Variants in GALNT3 observed in about 807,000 individuals in gnomAD.
GALNT3 encodes GalNAc transferase 3.
A neutral mutation model predicts 69.8 loss-of-function variants in GALNT3; 51 were observed. That is an observed-to-expected ratio of 0.73 (90% CI 0.58 to 0.92). The LOEUF is 0.92. GALNT3 is among the 40% of genes least tolerant of loss of function. GALNT3 has a pLI of 0.00. For synonymous variants in GALNT3, 265 were observed against 248.5 expected (o/e 1.07, Z -0.63); for missense variants, 711 against 760.0 (o/e 0.94, Z 0.76).
intron 1 of GALNT3, among the ~76,000 whole-genome samples, chr2:165,788,259 G>A (rs2105232345): frequency 6.8e-6 from 1 of 146,644 alleles, no homozygotes; most frequent in Middle Eastern, 3.5e-3. Context: ...AGAGCTTGCA[G>A]TGAGCCAAGA....
chr2:165,767,796 T>C (rs891179078), intron 2 of GALNT3, among the ~76,000 whole-genome samples: 5 of 151,782 alleles, frequency 3.3e-5, no homozygotes, highest in African/African-American at 1.2e-4. Context: ...CTAATGAGCA[T>C]GGAAAACATT....
At chr2:165,758,980 C>A in intron 5 of GALNT3, 116 bp from the exon 6 acceptor site, 1 of 776,230 alleles carries the variant, frequency 1.3e-6, no homozygotes, top group South Asian at 1.5e-5. Context: ...AGCTTTTATT[C>A]AGATTAATAA....
intron 8 of GALNT3, 79 bp downstream of exon 8, chr2:165,754,853 T>C: frequency 6.7e-7 from 1 of 1,497,170 alleles, no homozygotes; most frequent in African/African-American, 1.4e-5. Context: ...AAGAAAGTAT[T>C]TCAGCAATTT....
At chr2:165,759,758 C>T (rs1002540204) in intron 4 of GALNT3, among the ~76,000 whole-genome samples, 188 bp from the exon 5 acceptor site, 6 of 152,124 alleles carry the variant, frequency 3.9e-5, no homozygotes, top group African/African-American at 1.4e-4. Flanking sequence ...TATACATTTG[C>T]AGTGTATATC....
At position 165,770,786 on chromosome 2, in the gene GALNT3, G is replaced by A. The variant is rs1688739296; in HGVS notation, c.-86C>T. 1 of 1,471,296 alleles carries A rather than the reference G, an allele frequency of 6.8e-7. No homozygotes were observed. The highest frequency in any genetic ancestry group is 2.3e-5 in the East Asian group (1 of 43,888). The allele number at this position is 1,471,296 out of a possible 1,614,324, so 91.1% of individuals were successfully genotyped here. On this transcript the variant is annotated 5_prime_UTR_variant, in exon 2 of 11. Coordinates refer to ENST00000392701, the MANE Select transcript of GALNT3 (RefSeq NM_004482.4). ...TTTTTTATCATAGATTTGCTGAGAA[G>A]AAGGTATCTTTAATGGTAGTACCTA... is the stretch of plus-strand genomic sequence containing the variant.
intron 1 of GALNT3, among the ~76,000 whole-genome samples, chr2:165,793,076 A>G (rs1683386214): frequency 6.6e-6 from 1 of 152,204 alleles, no homozygotes. Flanking sequence ...TGAGTTGGAA[A>G]GAGAAGGAAA....
chr2:165,785,300 C>T (rs942696618), intron 1 of GALNT3, among the ~76,000 whole-genome samples: 1 of 151,548 alleles, frequency 6.6e-6, no homozygotes, highest in African/African-American at 2.4e-5. Flanking sequence ...GAAATGATCC[C>T]AATATAGTTA....
chr2:165,763,199 C>A (rs1257952220), intron 3 of GALNT3, among the ~76,000 whole-genome samples: 1 of 151,994 alleles, frequency 6.6e-6, no homozygotes, highest in Non-Finnish European at 1.5e-5. Context: ...CCTTCTTGGG[C>A]CCAAAACATA....
Position 165,770,805 on chromosome 2 carries a change from G to C in GALNT3, c.-105C>G. On this transcript the variant is annotated 5_prime_UTR_variant, in exon 2 of 11. Transcript: ENST00000392701. ...TGAGAAGAAGGTATCTTTAATGGTA[G>C]TACCTATAAACAGAAATGATCGATG... The C allele has an allele frequency of 7.9e-7, 1 of 1,258,732 alleles. No homozygotes were observed. Among genetic ancestry groups the C allele is most frequent in the African/African-American group, 1.5e-5 (1 of 67,014 alleles). The allele number at this position is 1,258,732 out of a possible 1,614,324, so 78.0% of individuals were successfully genotyped here. A position where few individuals can be genotyped will look rare whatever the true frequency, so the allele number is the denominator to read the frequency against.
At chr2:165,767,869 C>CTTTTTTTTTT (rs34044047) in intron 2 of GALNT3, among the ~76,000 whole-genome samples, 1 of 82,474 alleles carries the variant, frequency 1.2e-5, no homozygotes, top group East Asian at 3.3e-4. Flanking sequence ...AAAAACAAAT[C>CTTTTTTTTTT]TTTTTTTTTT....
At chr2:165,767,313 G>A (rs1471260531) in intron 2 of GALNT3, among the ~76,000 whole-genome samples, 3 of 151,574 alleles carry the variant, frequency 2.0e-5, no homozygotes, top group African/African-American at 4.8e-5. Context: ...GCATTTTGAG[G>A]AGAAAGTGAA....
Position 165,770,724 on chromosome 2 carries a change from TG to T in GALNT3, c.-25del. ...ATTCTGACATTAAAAGCTTGTCACT[TG>T]ACAAATAACAGTTATTTCTTCTTCT... On this transcript the variant is annotated 5_prime_UTR_variant, in exon 2 of 11. An upstream open reading frame in the 5' UTR gains an earlier in-frame stop. Transcript: ENST00000392701. 1 of 1,598,624 alleles carries T rather than the reference TG, an allele frequency of 6.3e-7. No homozygotes were observed.
chr2:165,784,907 T>C (rs1025217729), intron 1 of GALNT3, among the ~76,000 whole-genome samples: 4 of 152,224 alleles, frequency 2.6e-5, no homozygotes, highest in African/African-American at 9.6e-5. Context: ...AAAACAATAA[T>C]TTCTATGAGA....
chr2:165,781,610 A>C (rs563816985), intron 1 of GALNT3, among the ~76,000 whole-genome samples: 1 of 152,182 alleles, frequency 6.6e-6, no homozygotes, highest in East Asian at 1.9e-4. Flanking sequence ...AAAAGAAAAA[A>C]AAAAAAAGCC....
chr2:165,791,349 A>T (rs927511497), intron 1 of GALNT3, among the ~76,000 whole-genome samples: 1 of 152,108 alleles, frequency 6.6e-6, no homozygotes, highest in Non-Finnish European at 1.5e-5. Flanking sequence ...ACAAAAATTC[A>T]ACAGAATAGT....
At chr2:165,784,175 C>T (rs1018215471) in intron 1 of GALNT3, among the ~76,000 whole-genome samples, 3 of 152,180 alleles carry the variant, frequency 2.0e-5, no homozygotes, top group Non-Finnish European at 2.9e-5. Context: ...TAAACACACA[C>T]TGGATGCCAA....
At chr2:165,778,303 T>G (rs1338319351) in intron 1 of GALNT3, among the ~76,000 whole-genome samples, 1 of 152,216 alleles carries the variant, frequency 6.6e-6, no homozygotes, top group African/African-American at 2.4e-5. Context: ...AGATTATTCA[T>G]GTAACTGGTA....
intron 1 of GALNT3, among the ~76,000 whole-genome samples, chr2:165,786,783 C>A (rs978030631): frequency 9.9e-5 from 15 of 152,118 alleles, no homozygotes; most frequent in Non-Finnish European, 1.2e-4. Context: ...AGGCAAAATA[C>A]TTAATCTCTC....
intron 1 of GALNT3, among the ~76,000 whole-genome samples, chr2:165,789,681 CAACATAGTGAGACCTTGTCTCAT>C (rs1162444462): frequency 6.9e-6 from 1 of 144,428 alleles, no homozygotes; most frequent in Non-Finnish European, 1.5e-5. Flanking sequence ...TCAGCCTGGG[CAACATAGTGAGACCTTGTCTCAT>C]AAAAAAAAAA....
Sources: gnomAD v4.1 joint callset for allele counts (sites outside exome capture counted in the v4.1 genomes callset) on GRCh38, gnomAD v4.1.1 for gene constraint, MANE v1.5 for transcripts, NCBI Gene and HGNC (gene_info 2026-07-23, HGNC 2026-07-21) for gene names.